The following SORCS2 variants were observed in gnomAD, a reference collection of about 807,000 sequenced individuals.
The protein encoded by SORCS2 is sortilin related VPS10 domain containing receptor 2, also known as VPS10 domain-containing receptor SorCS2.
SORCS2 carries 100 observed loss-of-function variants against 141.6 expected under a neutral mutation model. The observed-to-expected ratio is 0.71, with a 90% CI of 0.60 to 0.83. The LOEUF (loss-of-function observed/expected upper bound fraction) is 0.83, where lower values mean the gene tolerates loss of function less well. Among genes scored for constraint, SORCS2 ranks in the 40% least tolerant of loss-of-function variants. The pLI is 0.00. For missense variants in SORCS2, 1,646 were observed against 1,560.2 expected (o/e 1.05, Z -0.93); for synonymous variants, 789 against 676.9 (o/e 1.17, Z -2.57).
chr4:7,392,552 T>C lies in SORCS2; in HGVS notation c.481-3736T>C, dbSNP rs190209122. ...AGGGGTGGGTGAGTCCCCACTGTCA[T>C]GGAGCTTACTGCCTGGCAGCCTCAG... On this transcript the variant is annotated intron_variant, in intron 1 of 26. Coordinates refer to ENST00000507866, the MANE Select transcript of SORCS2 (RefSeq NM_020777.3). 5.3e-4 allele frequency among the ~76,000 whole-genome samples: 80 copies of C among 152,228 alleles called. 1 individual carries two copies. In the East Asian group the frequency reaches 9.7e-3, roughly 18 times the overall value.
chr4:7,658,436 C>T (rs1243684587), intron 5 of SORCS2, among the ~76,000 whole-genome samples: 1 of 152,112 alleles, frequency 6.6e-6, no homozygotes, highest in Non-Finnish European at 1.5e-5. Flanking sequence ...TGGTGGAGGG[C>T]CTGCTGCTGA....
In SORCS2 at chr4:7,254,590, A is replaced by G. The variant is rs188575582; in HGVS notation, c.480+61464A>G. Among the ~76,000 whole-genome samples the G allele has an allele frequency of 3.3e-5, 5 of 152,314 alleles. No individual in the cohort carries two copies. The East Asian group carries it at 7.7e-4, about 23-fold the overall frequency. ...CATTATTTGGGTGATGGATACACCC[A>G]CTATACCATCTATGTGTATAACAAA... On this transcript the variant is annotated intron_variant, in intron 1 of 26. Coordinates refer to ENST00000507866, the MANE Select transcript of SORCS2 (RefSeq NM_020777.3).
chr4:7,590,307 G>C (rs2359804), intron 3 of SORCS2, among the ~76,000 whole-genome samples: 4 of 151,756 alleles, frequency 2.6e-5, no homozygotes, highest in African/African-American at 9.7e-5. Context: ...TTTGATTACC[G>C]AATGAGTCAT....
rs1553881897 is a variant in SORCS2 at position 7,543,939 on chromosome 4, C to CCCATCCACCCAT, written c.648+12317_648+12318insCCCATCCATCCA. On this transcript the variant is annotated intron_variant, in intron 3 of 26. Transcript: ENST00000507866. Reference sequence around the variant, plus strand: ...ACCCATCCACCCATCCACCCATCCACCCATCCATCCATCCATCCATCCATC... The same window carrying CCCATCCACCCAT: ...ACCCATCCACCCATCCACCCATCCACCCATCCACCCATCCATCCATCCATCCATCCATCCATC... Among the ~76,000 whole-genome samples, 139 of 16,870 alleles carry CCCATCCACCCAT rather than the reference C, an allele frequency of 8.2e-3. 4 individuals carry two copies. Among genetic ancestry groups the CCCATCCACCCAT allele is most frequent in the Non-Finnish European group, 0.014 (113 of 8,178 alleles). The allele number at this position is 16,870 out of a possible 152,430, so 11.1% of individuals were successfully genotyped here.
intron 2 of SORCS2, among the ~76,000 whole-genome samples, chr4:7,497,037 T>C (rs6818395): frequency 0.89 from 135,010 of 152,266 alleles, 61,535 homozygotes; most frequent in South Asian, 0.99. Flanking sequence ...CTCCAAACAA[T>C]AGTGTTGTGG....
At chr4:7,458,759 G>A (rs1729086540) in intron 2 of SORCS2, among the ~76,000 whole-genome samples, 1 of 152,074 alleles carries the variant, frequency 6.6e-6, no homozygotes. Context: ...CTGGGGCTCA[G>A]GCCACCCCAA....
At chr4:7,720,010 C>A (rs1726474599) in intron 18 of SORCS2, among the ~76,000 whole-genome samples, 1 of 152,054 alleles carries the variant, frequency 6.6e-6, no homozygotes, top group Non-Finnish European at 1.5e-5. Flanking sequence ...GGATCCAGGT[C>A]CGAGGCACAC....
chr4:7,340,848 G>C (rs2108988639), intron 1 of SORCS2, among the ~76,000 whole-genome samples: 1 of 152,370 alleles, frequency 6.6e-6, no homozygotes, highest in Non-Finnish European at 1.5e-5. Context: ...AAACTTTAGA[G>C]ATCAAAGGTC....
intron 1 of SORCS2, among the ~76,000 whole-genome samples, chr4:7,279,040 C>T (rs1006034747): frequency 1.3e-5 from 2 of 152,182 alleles, no homozygotes; most frequent in Non-Finnish European, 2.9e-5. Flanking sequence ...GAATACCCCA[C>T]CCACCACCTA....
chr4:7,476,288 G>C (rs34091365), intron 2 of SORCS2, among the ~76,000 whole-genome samples: 19,348 of 152,144 alleles, frequency 0.13, 1,609 homozygotes, highest in South Asian at 0.25. Flanking sequence ...TCATGCAATT[G>C]TTGGGGTTTA....
At position 7,638,343 on chromosome 4, in the gene SORCS2, T is replaced by A; in HGVS notation, c.664T>A (p.Ser222Thr). The A allele has an allele frequency of 6.6e-7, 1 of 1,511,194 alleles. No individual in the cohort carries two copies. Among genetic ancestry groups the A allele is most frequent in the South Asian group, 1.3e-5 (1 of 75,264 alleles). 93.6% of individuals were successfully genotyped at this position (1,511,194 alleles called of 1,614,324 possible). A position where few individuals can be genotyped will look rare whatever the true frequency, so the allele number is the denominator to read the frequency against. Reference sequence around the variant, plus strand: ...TGTGTTTCAGGTCATCCTTGTCAGCTCCTCACTCAGTGACCGGGACCAGAG... The same window carrying A: ...TGTGTTTCAGGTCATCCTTGTCAGCACCTCACTCAGTGACCGGGACCAGAG... The part of the protein sequence containing the change: ...TNKRKVILVS[S>T]SLSDRDQSLF... The change falls in exon 4 of 27, where the codon TCC (serine) becomes ACC (threonine). Residue 222 changes from serine to threonine, a missense_variant. Ser to Thr is a moderately conservative substitution (Grantham distance 58). Coordinates refer to ENST00000507866, the MANE Select transcript of SORCS2 (RefSeq NM_020777.3).
intron 2 of SORCS2, among the ~76,000 whole-genome samples, chr4:7,525,995 T>TTC (rs1175398600): frequency 5.3e-5 from 7 of 131,048 alleles, no homozygotes; most frequent in Non-Finnish European, 1.1e-4. Context: ...ACCTGTCCCC[T>TTC]GCAGTCACCT....
intron 2 of SORCS2, among the ~76,000 whole-genome samples, chr4:7,481,323 G>A (rs1435330773): frequency 6.6e-6 from 1 of 152,268 alleles, no homozygotes; most frequent in African/African-American, 2.4e-5. Flanking sequence ...CACAGCCCCG[G>A]GAGGGAGCTA....
intron 4 of SORCS2, among the ~76,000 whole-genome samples, chr4:7,641,900 G>T (rs1720771456): frequency 1.3e-5 from 2 of 150,962 alleles, no homozygotes; most frequent in African/African-American, 4.9e-5. Context: ...ATGGATGGGT[G>T]GTTGGATGGA....
chr4:7,693,940 C>G (rs139972752), intron 11 of SORCS2, among the ~76,000 whole-genome samples: 22 of 152,210 alleles, frequency 1.4e-4, no homozygotes, highest in African/African-American at 5.1e-4. Flanking sequence ...CTCACCGGGC[C>G]CTTCTAGAGA....
intron 11 of SORCS2, among the ~76,000 whole-genome samples, chr4:7,692,272 A>AT (rs1724306295): frequency 6.6e-6 from 1 of 152,248 alleles, no homozygotes; most frequent in East Asian, 1.9e-4. Context: ...GCTGGGGATG[A>AT]TGGCTACCTG....
In SORCS2 at chr4:7,410,949, C is replaced by T. The variant is rs192440567; in HGVS notation, c.548+14594C>T. Among the ~76,000 whole-genome samples the T allele has an allele frequency of 6.5e-3, 477 of 73,908 alleles. 6 individuals carry two copies. Among genetic ancestry groups the T allele is most frequent in the Admixed American group, 0.031 (146 of 4,754 alleles). 48.5% of individuals were successfully genotyped at this position (73,908 alleles called of 152,430 possible). ...GGCCCAGCAGCCTCTTCTCTCCATC[C>T]TTTTTTTTTTTTTTTTTTTTTTTTT... On this transcript the variant is annotated intron_variant, in intron 2 of 26. Coordinates refer to ENST00000507866, the MANE Select transcript of SORCS2 (RefSeq NM_020777.3).
intron 2 of SORCS2, among the ~76,000 whole-genome samples, chr4:7,458,628 C>T (rs945562061): frequency 1.5e-4 from 23 of 152,204 alleles, no homozygotes; most frequent in Non-Finnish European, 2.8e-4. Context: ...ATCTCGCTTT[C>T]ATTTATTTGC....
At chr4:7,388,833 A>T (rs1255194166) in intron 1 of SORCS2, among the ~76,000 whole-genome samples, 1 of 151,772 alleles carries the variant, frequency 6.6e-6, no homozygotes, top group Non-Finnish European at 1.5e-5. Flanking sequence ...AGTGGTGAGC[A>T]CCCCCGGCGA....
Sources: gnomAD v4.1 joint callset for allele counts (sites outside exome capture counted in the v4.1 genomes callset) on GRCh38, gnomAD v4.1.1 for gene constraint, MANE v1.5 for transcripts, NCBI Gene and HGNC (gene_info 2026-07-23, HGNC 2026-07-21) for gene names.